Variants in XPO1 observed in about 807,000 individuals in gnomAD.
The protein encoded by XPO1 is exportin 1.
Under a neutral mutation model 133.3 loss-of-function variants are expected in XPO1, and 5 were observed. The ratio of observed to expected loss-of-function variants is 0.04; its 90% CI spans 0.02 to 0.08. The LOEUF (loss-of-function observed/expected upper bound fraction) is 0.08, where lower values mean the gene tolerates loss of function less well. Among genes scored for constraint, XPO1 ranks in the 10% least tolerant of loss-of-function variants. The pLI is 1.00. For missense variants in XPO1, 506 were observed against 1,267.5 expected (o/e 0.40, Z 9.12); for synonymous variants, 419 against 408.2 (o/e 1.03, Z -0.32).
chr2:61,479,422 A>G (rs752210250), intron 24 of XPO1, among the ~76,000 whole-genome samples: 5 of 151,060 alleles, frequency 3.3e-5, no homozygotes, highest in Non-Finnish European at 5.9e-5. Context: ...ACTGCTCTCC[A>G]GCCTGGGTGA....
In XPO1 at chr2:61,488,187, C is replaced by T; in HGVS notation, c.2291G>A (p.Ser764Asn). 1 of 1,613,976 alleles carries T rather than the reference C, an allele frequency of 6.2e-7. No individual in the cohort carries two copies. The highest frequency in any genetic ancestry group is 8.5e-7 in the Non-Finnish European group (1 of 1,179,958). The change falls in exon 19 of 25, where the codon AGC (serine) becomes AAC (asparagine). Residue 764 changes from serine to asparagine, a missense_variant. Ser to Asn is a conservative substitution (Grantham distance 46, BLOSUM62 1). Transcript: ENST00000401558. ...ETLKLISGWVSRSNDPQMVAE... is the reference protein window; with the variant it reads ...ETLKLISGWVNRSNDPQMVAE... ...TACCATCTGTGGATCATTGGATCGG[C>T]TCACCCAACCAGATATTAACTTTAA... is the stretch of plus-strand genomic sequence containing the variant.
At chr2:61,508,216 C>CA (rs1697920406) in intron 4 of XPO1, among the ~76,000 whole-genome samples, 1 of 151,838 alleles carries the variant, frequency 6.6e-6, no homozygotes, top group Admixed American at 6.6e-5. Flanking sequence ...GGCTCCATCT[C>CA]AAAAAAATAA....
chr2:61,519,698 C>CAAAAAAAAA (rs753424450), intron 4 of XPO1, among the ~76,000 whole-genome samples: 8 of 72,760 alleles, frequency 1.1e-4, no homozygotes, highest in East Asian at 3.3e-4. Context: ...GACTCCGTCT[C>CAAAAAAAAA]AAAAAAAAAA....
chr2:61,535,745 T>C (rs943485295), intron 1 of XPO1, among the ~76,000 whole-genome samples: 5 of 152,194 alleles, frequency 3.3e-5, no homozygotes, highest in Non-Finnish European at 7.3e-5. Context: ...AAACGTTTCG[T>C]AGTAGGCATT....
At chr2:61,480,161 A>G (rs1174212508) in intron 24 of XPO1, 2 of 152,056 alleles carry the variant, frequency 1.3e-5, no homozygotes, top group African/African-American at 4.8e-5. Flanking sequence ...CACTGTGCCC[A>G]GCTAAAAATT....
rs1216003730 is a variant in XPO1 at position 61,478,145 on chromosome 2, C to T, written c.*675G>A. ...GAAGGCTCACAAATGAGCAACACTCCTCATTGAGGAAAACAAAAAGCTGTT... is the reference window on the plus strand; with the variant it reads ...GAAGGCTCACAAATGAGCAACACTCTTCATTGAGGAAAACAAAAAGCTGTT... On this transcript the variant is annotated 3_prime_UTR_variant, in exon 25 of 25. Transcript: ENST00000401558. 1 of 232,990 alleles carries T rather than the reference C, an allele frequency of 4.3e-6. No homozygotes were observed. The highest frequency in any genetic ancestry group is 2.2e-5 in the African/African-American group (1 of 45,294). The allele number at this position is 232,990 out of a possible 1,614,324, so 14.4% of individuals were successfully genotyped here.
chr2:61,499,874 G>A lies in XPO1; in HGVS notation c.429C>T (p.Pro143=), dbSNP rs765635837. The A allele has an allele frequency of 6.2e-7, 1 of 1,608,852 alleles. No individual in the cohort carries two copies. Among genetic ancestry groups the A allele is most frequent in the Non-Finnish European group, 8.5e-7 (1 of 1,178,868 alleles). Reference sequence around the variant, plus strand: ...CACTGATAAAAGTTGGCCAATGTTTGGGCCATTCTTGTTTCAGTATCTAAA... The same window carrying A: ...CACTGATAAAAGTTGGCCAATGTTTAGGCCATTCTTGTTTCAGTATCTAAA... ...ILVQILKQEW[P]KHWPTFISDI... Residue 143 remains proline, a synonymous_variant, in exon 7 of 25, where the codon CCC becomes CCT. Transcript: ENST00000401558.
At chr2:61,498,556 G>A (rs557106228) in intron 9 of XPO1, 117 bp downstream of exon 9, 19 of 1,333,642 alleles carry the variant, frequency 1.4e-5, no homozygotes, top group South Asian at 6.3e-5. Flanking sequence ...CCTGAGCAGC[G>A]TCCTCGTGTT....
chr2:61,504,387 T>C (rs898007638), intron 4 of XPO1, among the ~76,000 whole-genome samples: 1 of 152,204 alleles, frequency 6.6e-6, no homozygotes, highest in East Asian at 1.9e-4. Flanking sequence ...AGTAGTGTGG[T>C]ACACCTATAT....
At chr2:61,487,144 T>C (rs1377416305) in intron 19 of XPO1, among the ~76,000 whole-genome samples, 2 of 151,762 alleles carry the variant, frequency 1.3e-5, no homozygotes, top group Non-Finnish European at 2.9e-5. Flanking sequence ...CCTCCCAAAG[T>C]GCTGGGATTA....
intron 16 of XPO1, 144 bp downstream of exon 16, chr2:61,491,891 C>A (rs1039281972): frequency 7.7e-6 from 8 of 1,037,340 alleles, no homozygotes; most frequent in African/African-American, 6.5e-5. Flanking sequence ...CAGAGTAAGA[C>A]CCTGTCTCAA....
At chr2:61,525,061 C>T (rs1313557932) in intron 3 of XPO1, among the ~76,000 whole-genome samples, 2 of 151,964 alleles carry the variant, frequency 1.3e-5, no homozygotes, top group Admixed American at 6.6e-5. Flanking sequence ...CTTGAGAAAT[C>T]CACTGCTGAG....
intron 3 of XPO1, among the ~76,000 whole-genome samples, chr2:61,524,560 A>G (rs574622394): frequency 5.3e-4 from 81 of 152,302 alleles, no homozygotes; most frequent in African/African-American, 1.9e-3. Context: ...ATATCCTAAA[A>G]TCCAATCTCT....
chr2:61,483,285 A>C, intron 21 of XPO1, 194 bp from the exon 22 acceptor site: 1 of 537,850 alleles, frequency 1.9e-6, no homozygotes, highest in South Asian at 2.7e-5. Context: ...CTTACTTATA[A>C]ATTATAATAA....
rs1380157298 is a variant in XPO1, at chr2:61,492,353, T to C, written c.1695A>G (p.Val565=). 3.7e-6 allele frequency: 6 copies of C among 1,606,602 alleles called. No individual in the cohort carries two copies. Among genetic ancestry groups the C allele is most frequent in the Non-Finnish European group, 4.2e-6 (5 of 1,178,296 alleles). The part of the protein sequence containing the change: ...LRAHWKFLKT[V]VNKLFEFMHE... Reference sequence around the variant, plus strand: ...GCATGAATTCGAACAGCTTGTTAACTACAGTCTTCAGAAATTTCCAGTGAG... The same window carrying C: ...GCATGAATTCGAACAGCTTGTTAACCACAGTCTTCAGAAATTTCCAGTGAG... The change falls in exon 15 of 25, where the codon GTA becomes GTG. Residue 565 remains valine (V), a synonymous_variant. Transcript: ENST00000401558. The surrounding 1 kb of genome is among the most constrained non-coding windows in gnomAD (Gnocchi z 5.6).
At chr2:61,500,316 C>T (rs2104509434) in intron 6 of XPO1, among the ~76,000 whole-genome samples, 1 of 152,086 alleles carries the variant, frequency 6.6e-6, no homozygotes, top group Non-Finnish European at 1.5e-5. Context: ...CGTGGTAGCT[C>T]GTGCCTGTAA....
intron 23 of XPO1, among the ~76,000 whole-genome samples, chr2:61,482,034 C>CTTTTTTTTTTTTTTTTTTTTTTTTTTTTT (rs1195049382): frequency 1.4e-5 from 1 of 71,368 alleles, no homozygotes; most frequent in Non-Finnish European, 2.7e-5. Context: ...CGTGCGTGGC[C>CTTTTTTTTTTTTTTTTTTTTTTTTTTTTT]TTTTTTTTTT....
rs1224822838 is a variant in XPO1, at chr2:61,490,632, A to C, written c.2022+10T>G. On this transcript the variant is annotated intron_variant, in intron 17 of 24. Transcript: ENST00000401558. ...CATGAAAACTTTTAAGAAAAGGTAGAAATACTTACTTTGGTTGCCTGCTGG... is the reference window on the plus strand; with the variant it reads ...CATGAAAACTTTTAAGAAAAGGTAGCAATACTTACTTTGGTTGCCTGCTGG... 6.2e-7 allele frequency: 1 copy of C among 1,613,794 alleles called. No homozygotes were observed.
intron 4 of XPO1, among the ~76,000 whole-genome samples, chr2:61,516,673 CA>C (rs933487100): frequency 6.6e-6 from 1 of 152,086 alleles, no homozygotes; most frequent in Non-Finnish European, 1.5e-5. Context: ...CTCAGCCTCC[CA>C]AAGTGCTGGG....
Sources: gnomAD v4.1 joint callset for allele counts (sites outside exome capture counted in the v4.1 genomes callset) on GRCh38, gnomAD v4.1.1 for gene constraint, Gnocchi (gnomAD v3.1) non-coding constraint, MANE v1.5 for transcripts, NCBI Gene and HGNC (gene_info 2026-07-23, HGNC 2026-07-21) for gene names.